The following CRLF3 variants were observed in gnomAD, a reference collection of about 807,000 sequenced individuals.
CRLF3 encodes cytokine receptor like factor 3, also known as cytokine receptor-like factor 3.
In CRLF3, 33 loss-of-function variants were observed where a neutral mutation model predicts 55.0. That is an observed-to-expected ratio of 0.60 (90% CI 0.46 to 0.80). The LOEUF (loss-of-function observed/expected upper bound fraction) is 0.80, where lower values mean the gene tolerates loss of function less well. CRLF3 is among the 30% of genes least tolerant of loss of function. The pLI is 0.00. For missense variants in CRLF3, 494 were observed against 538.4 expected (o/e 0.92, Z 0.82); for synonymous variants, 238 against 196.8 (o/e 1.21, Z -1.75).
chr17:30,793,324 ATGT>A (rs577711539), intron 5 of CRLF3, 123 bp downstream of exon 5: 128 of 690,230 alleles, frequency 1.9e-4, no homozygotes, highest in Non-Finnish European at 2.0e-4. Flanking sequence ...GACATGGTGC[ATGT>A]TGTTCTTATC....
At chr17:30,802,543 G>A (rs933890296) in intron 2 of CRLF3, among the ~76,000 whole-genome samples, 4 of 151,660 alleles carry the variant, frequency 2.6e-5, no homozygotes, top group South Asian at 2.1e-4. Context: ...GGATCCTCCC[G>A]CCTCGGCCTC....
intron 2 of CRLF3, among the ~76,000 whole-genome samples, chr17:30,798,393 A>C (rs573957615): frequency 2.2e-3 from 336 of 150,418 alleles, no homozygotes; most frequent in Middle Eastern, 0.01. Context: ...CCAAAAAAAA[A>C]AGTTACATAG....
chr17:30,802,460 T>A (rs1972022320), intron 2 of CRLF3, among the ~76,000 whole-genome samples: 1 of 150,740 alleles, frequency 6.6e-6, no homozygotes, highest in Non-Finnish European at 1.5e-5. Context: ...AGACAGGGTC[T>A]TACTCTGTCA....
intron 2 of CRLF3, among the ~76,000 whole-genome samples, chr17:30,799,841 C>T (rs1397301290): frequency 1.3e-5 from 2 of 152,124 alleles, no homozygotes; most frequent in East Asian, 1.9e-4. Flanking sequence ...AATGATCAGT[C>T]CTCAGGGTGA....
At chr17:30,805,323 T>C (rs987185631) in intron 1 of CRLF3, among the ~76,000 whole-genome samples, 7 of 152,210 alleles carry the variant, frequency 4.6e-5, no homozygotes, top group Non-Finnish European at 8.8e-5. Context: ...TATACAAAGT[T>C]GTTCTTGAAA....
At chr17:30,789,218 C>T (rs1034767457) in intron 6 of CRLF3, among the ~76,000 whole-genome samples, 1 of 152,130 alleles carries the variant, frequency 6.6e-6, no homozygotes, top group Non-Finnish European at 1.5e-5. Flanking sequence ...GGTGATGCAT[C>T]TTTAGGAGAT....
intron 6 of CRLF3, 66 bp downstream of exon 6, chr17:30,792,374 T>G (rs1228166226): frequency 7.0e-7 from 1 of 1,437,056 alleles, no homozygotes; most frequent in African/African-American, 1.4e-5. Flanking sequence ...AATTCAAAGC[T>G]TATGTATGCT....
At chr17:30,785,790 A>C in intron 7 of CRLF3, 129 bp downstream of exon 7, 1 of 582,488 alleles carries the variant, frequency 1.7e-6, no homozygotes, top group Non-Finnish European at 3.0e-6. Context: ...ATAAAAAAAA[A>C]AAAAAAGAAA....
At chr17:30,798,390 A>G (rs1971956828) in intron 2 of CRLF3, among the ~76,000 whole-genome samples, 1 of 151,746 alleles carries the variant, frequency 6.6e-6, no homozygotes, top group Non-Finnish European at 1.5e-5. Flanking sequence ...CCGCCAAAAA[A>G]AAAAGTTACA....
At chr17:30,824,384 T>C (rs536969613) in intron 1 of CRLF3, 139 bp downstream of exon 1, 2 of 844,350 alleles carry the variant, frequency 2.4e-6, no homozygotes, top group South Asian at 4.5e-5. Flanking sequence ...CAGACTCCAT[T>C]AGGTCTCCTT....
intron 1 of CRLF3, among the ~76,000 whole-genome samples, chr17:30,824,176 TA>T (rs1408901854): frequency 6.6e-6 from 1 of 151,820 alleles, no homozygotes; most frequent in Non-Finnish European, 1.5e-5. Context: ...GCAGGTTTTT[TA>T]CCAGTCTCCT....
intron 7 of CRLF3, among the ~76,000 whole-genome samples, chr17:30,785,309 T>C (rs1469528323): frequency 6.6e-6 from 1 of 151,700 alleles, no homozygotes; most frequent in Non-Finnish European, 1.5e-5. Context: ...ACTCCTGACC[T>C]CGTGATTTGC....
At chr17:30,803,657 C>G (rs1006549333) in intron 2 of CRLF3, 2 of 469,418 alleles carry the variant, frequency 4.3e-6, no homozygotes, top group Admixed American at 7.4e-5. Flanking sequence ...GTGAATAACT[C>G]TCATGAGATC....
At chr17:30,812,498 C>T (rs945166992) in intron 1 of CRLF3, among the ~76,000 whole-genome samples, 1 of 152,082 alleles carries the variant, frequency 6.6e-6, no homozygotes, top group East Asian at 1.9e-4. Flanking sequence ...GTAAGCACTG[C>T]TATGTTTCTC....
intron 2 of CRLF3, among the ~76,000 whole-genome samples, chr17:30,797,848 C>T (rs1227952671): frequency 6.7e-6 from 1 of 148,756 alleles, no homozygotes; most frequent in Non-Finnish European, 1.5e-5. Flanking sequence ...GATCATAACT[C>T]ACTGCAGCCT....
chr17:30,814,915 C>T (rs939749657), intron 1 of CRLF3, among the ~76,000 whole-genome samples: 1 of 151,094 alleles, frequency 6.6e-6, no homozygotes, highest in Non-Finnish European at 1.5e-5. Context: ...GGAGGAGAAT[C>T]ACTTGAACCC....
In CRLF3 at chr17:30,806,557, T is replaced by C. The variant is rs146804452; in HGVS notation, c.130-2449A>G. Reference sequence around the variant, plus strand: ...AGAAACATTGCCCTAAATCTACTGATCTCAGATTAAGAACCCATATTCTAG... The same window carrying C: ...AGAAACATTGCCCTAAATCTACTGACCTCAGATTAAGAACCCATATTCTAG... On this transcript the variant is annotated intron_variant, in intron 1 of 7. Coordinates refer to ENST00000324238, the MANE Select transcript of CRLF3 (RefSeq NM_015986.4). Among the ~76,000 whole-genome samples the C allele has an allele frequency of 2.0e-4, 31 of 152,294 alleles. No individual in the cohort carries two copies. The East Asian group carries it at 4.8e-3, about 24-fold the overall frequency.
chr17:30,803,756 A>G, intron 2 of CRLF3, 145 bp downstream of exon 2: 1 of 686,400 alleles, frequency 1.5e-6, no homozygotes, highest in Admixed American at 2.4e-5. Flanking sequence ...TTCACCTGCC[A>G]TGATTGTGAG....
At chr17:30,785,696 G>T (rs1971626713) in intron 7 of CRLF3, among the ~76,000 whole-genome samples, 1 of 151,674 alleles carries the variant, frequency 6.6e-6, no homozygotes, top group Admixed American at 6.6e-5. Context: ...GTGGGAGGAT[G>T]GCTTGGGCCC....
Sources: gnomAD v4.1 joint callset for allele counts (sites outside exome capture counted in the v4.1 genomes callset) on GRCh38, gnomAD v4.1.1 for gene constraint, MANE v1.5 for transcripts, NCBI Gene and HGNC (gene_info 2026-07-23, HGNC 2026-07-21) for gene names.